Variants in TFEC observed in about 807,000 individuals in gnomAD.
The protein encoded by TFEC is transcription factor EC.
TFEC carries 31 observed loss-of-function variants against 41.6 expected under a neutral mutation model. That is an observed-to-expected ratio of 0.74 (90% CI 0.56 to 1.01). The LOEUF (loss-of-function observed/expected upper bound fraction) is 1.01. Ranked by LOEUF, TFEC falls within the 50% of genes least tolerant of loss-of-function variation. The pLI, the probability that TFEC is intolerant of heterozygous loss-of-function variation, is 0.00. For synonymous variants in TFEC, 143 were observed against 140.6 expected (o/e 1.02, Z -0.12); for missense variants, 402 against 404.1 (o/e 0.99, Z 0.04).
At chr7:116,151,528 C>CCACT (rs1459053190) in intron 1 of TFEC, among the ~76,000 whole-genome samples, 1 of 152,088 alleles carries the variant, frequency 6.6e-6, no homozygotes, top group African/African-American at 2.4e-5. Context: ...CAGGCATGAG[C>CCACT]CACTGTGCCC....
intron 1 of TFEC, among the ~76,000 whole-genome samples, chr7:115,985,874 A>C (rs994138425): frequency 1.3e-5 from 2 of 152,142 alleles, no homozygotes; most frequent in Admixed American, 1.3e-4. Flanking sequence ...AATTCTTTTT[A>C]ATCTGTATAC....
intron 1 of TFEC, among the ~76,000 whole-genome samples, chr7:116,151,220 C>T (rs12671135): frequency 0.19 from 27,747 of 149,828 alleles, 2,684 homozygotes; most frequent in East Asian, 0.33. Context: ...TAGAATATTT[C>T]CTTTGATATT....
At chr7:116,133,110 CT>C (rs1798365269) in intron 1 of TFEC, among the ~76,000 whole-genome samples, 1 of 152,122 alleles carries the variant, frequency 6.6e-6, no homozygotes, top group South Asian at 2.1e-4. Context: ...TGCTTATAAT[CT>C]TTTCAGTTTT....
chr7:116,121,340 A>C (rs1798103812), intron 1 of TFEC: 1 of 152,048 alleles, frequency 6.6e-6, no homozygotes, highest in South Asian at 2.1e-4. Flanking sequence ...CACATACATG[A>C]AATGTCCAGA....
intron 1 of TFEC, among the ~76,000 whole-genome samples, chr7:116,008,412 C>T (rs1366198766): frequency 6.6e-6 from 1 of 152,086 alleles, no homozygotes; most frequent in Admixed American, 6.6e-5. Flanking sequence ...AAAGCAAGAC[C>T]ATTCCATTCA....
At chr7:116,055,406 T>C (rs1210499555) in intron 3 of TFEC, among the ~76,000 whole-genome samples, 1 of 152,024 alleles carries the variant, frequency 6.6e-6, no homozygotes, top group East Asian at 1.9e-4. Context: ...GATAGGAATA[T>C]ATGTGTATTA....
At chr7:116,151,622 T>G (rs1401596593) in intron 1 of TFEC, among the ~76,000 whole-genome samples, 1 of 152,116 alleles carries the variant, frequency 6.6e-6, no homozygotes, top group African/African-American at 2.4e-5. Context: ...TTGGTTTTGG[T>G]TTTTTTCCAA....
intron 3 of TFEC, among the ~76,000 whole-genome samples, chr7:116,040,591 T>G (rs17302171): frequency 0.18 from 27,565 of 152,174 alleles, 2,553 homozygotes; most frequent in East Asian, 0.33. Context: ...TCTCTCCAGG[T>G]TAATAATCTA....
chr7:116,022,905 G>T (rs76629911), intron 1 of TFEC, among the ~76,000 whole-genome samples: 3 of 152,052 alleles, frequency 2.0e-5, no homozygotes, highest in Admixed American at 2.0e-4. Flanking sequence ...GGTAGATCAG[G>T]TTTACAAATG....
chr7:115,959,935 T>G (rs1402792455), intron 3 of TFEC, among the ~76,000 whole-genome samples: 1 of 151,508 alleles, frequency 6.6e-6, no homozygotes, highest in African/African-American at 2.4e-5. Context: ...AAGAAAGAAT[T>G]TTTTAAAGTA....
intron 4 of TFEC, 51 bp from the exon 5 acceptor site, chr7:115,954,693 C>G: frequency 7.1e-7 from 1 of 1,412,144 alleles, no homozygotes; most frequent in East Asian, 2.3e-5. Flanking sequence ...CCTTAAAACC[C>G]CTCCAGGCAA....
chr7:116,042,123 A>G (rs1478277686), intron 3 of TFEC, among the ~76,000 whole-genome samples: 1 of 152,224 alleles, frequency 6.6e-6, no homozygotes. Flanking sequence ...TATATAATCA[A>G]TTCACAGAGT....
chr7:116,114,841 C>T (rs1254732159), intron 1 of TFEC, among the ~76,000 whole-genome samples: 3 of 151,916 alleles, frequency 2.0e-5, no homozygotes, highest in South Asian at 2.1e-4. Flanking sequence ...AAGACATCAG[C>T]TAGGAAGGGA....
chr7:116,047,195 G>A (rs896639679), intron 3 of TFEC, among the ~76,000 whole-genome samples: 21 of 152,146 alleles, frequency 1.4e-4, no homozygotes, highest in African/African-American at 5.1e-4. Context: ...CATGGAGCAG[G>A]GCGGAGCATC....
At chr7:116,073,739 C>A (rs1472405525) in intron 3 of TFEC, among the ~76,000 whole-genome samples, 2 of 151,882 alleles carry the variant, frequency 1.3e-5, no homozygotes, top group African/African-American at 4.8e-5. Flanking sequence ...TATTTCAAAA[C>A]TTACAACAAA....
chr7:115,998,330 C>T (rs1324994634), intron 1 of TFEC, among the ~76,000 whole-genome samples: 3 of 151,160 alleles, frequency 2.0e-5, no homozygotes, highest in Non-Finnish European at 4.4e-5. Flanking sequence ...AGCAGATACA[C>T]AAAAAAGAAA....
intron 1 of TFEC, among the ~76,000 whole-genome samples, chr7:115,993,793 T>C (rs954393652): frequency 3.3e-5 from 5 of 150,970 alleles, no homozygotes; most frequent in African/African-American, 1.2e-4. Context: ...AGGTAATTTA[T>C]AGATTCAATA....
chr7:116,077,797 G>A (rs1279311778), intron 3 of TFEC, among the ~76,000 whole-genome samples: 1 of 151,918 alleles, frequency 6.6e-6, no homozygotes, highest in African/African-American at 2.4e-5. Context: ...CTAGACCTAA[G>A]AAATGAGATA....
chr7:116,151,224 T>C (rs1421350540), intron 1 of TFEC, among the ~76,000 whole-genome samples: 1 of 151,722 alleles, frequency 6.6e-6, no homozygotes, highest in Non-Finnish European at 1.5e-5. Flanking sequence ...ATATTTCCTT[T>C]GATATTATGT....
Sources: gnomAD v4.1 joint callset for allele counts (sites outside exome capture counted in the v4.1 genomes callset) on GRCh38, gnomAD v4.1.1 for gene constraint, MANE v1.5 for transcripts, NCBI Gene and HGNC (gene_info 2026-07-23, HGNC 2026-07-21) for gene names.